The following ATF6 variants were observed in gnomAD, a reference collection of about 807,000 sequenced individuals.
The protein encoded by ATF6 is cyclic AMP-dependent transcription factor ATF-6 alpha.
ATF6 carries 53 observed loss-of-function variants against 83.6 expected under a neutral mutation model. That is an observed-to-expected ratio of 0.63 (90% confidence interval 0.51 to 0.80). The LOEUF (loss-of-function observed/expected upper bound fraction) is 0.80. ATF6 is among the 30% of genes least tolerant of loss of function. The pLI, the probability that ATF6 is intolerant of heterozygous loss-of-function variation, is 0.00. For missense variants in ATF6, 744 were observed against 797.9 expected (o/e 0.93, Z 0.81); for synonymous variants, 288 against 285.8 (o/e 1.01, Z -0.08).
chr1:161,770,945 C>T (rs1466288363), intron 1 of ATF6, among the ~76,000 whole-genome samples: 1 of 152,144 alleles, frequency 6.6e-6, no homozygotes, highest in East Asian at 1.9e-4. Flanking sequence ...TTTTGCATTC[C>T]CGCTAGCAAT....
intron 14 of ATF6, among the ~76,000 whole-genome samples, chr1:161,902,980 C>T (rs944533258): frequency 1.8e-4 from 27 of 152,132 alleles, no homozygotes; most frequent in Admixed American, 1.4e-3. Context: ...CAGCTGAGGC[C>T]GCCCTTCTTT....
chr1:161,823,401 A>G (rs561662358), intron 9 of ATF6, among the ~76,000 whole-genome samples: 10 of 152,300 alleles, frequency 6.6e-5, no homozygotes, highest in African/African-American at 2.4e-4. Context: ...ATTTGCTACT[A>G]AAAATTGAAA....
At chr1:161,933,289 C>G (rs1347271304) in intron 15 of ATF6, among the ~76,000 whole-genome samples, 1 of 152,108 alleles carries the variant, frequency 6.6e-6, no homozygotes, top group Non-Finnish European at 1.5e-5. Flanking sequence ...ATAATTTTAT[C>G]TGAAAATATA....
chr1:161,877,005 AAAC>A (rs1372612660), intron 14 of ATF6, among the ~76,000 whole-genome samples: 3 of 152,116 alleles, frequency 2.0e-5, no homozygotes, highest in African/African-American at 7.2e-5. Flanking sequence ...TTATAAAACA[AAAC>A]AAAGTATACA....
chr1:161,860,307 G>T, intron 13 of ATF6, 30 bp downstream of exon 13: 1 of 1,461,652 alleles, frequency 6.8e-7, no homozygotes, highest in Non-Finnish European at 9.1e-7. Context: ...CTTGGCCAAG[G>T]AATTTAAAAT....
chr1:161,859,558 A>C, intron 12 of ATF6, among the ~76,000 whole-genome samples: 1 of 152,200 alleles, frequency 6.6e-6, no homozygotes, highest in Non-Finnish European at 1.5e-5. Context: ...GAACTTGGTA[A>C]TATGCCCTTG....
At chr1:161,773,213 A>C (rs1438815581) in intron 1 of ATF6, among the ~76,000 whole-genome samples, 1 of 149,532 alleles carries the variant, frequency 6.7e-6, no homozygotes, top group Admixed American at 6.9e-5. Flanking sequence ...GGCTCACTGC[A>C]AGCTCCACCT....
chr1:161,851,476 T>C (rs1686631155), intron 10 of ATF6, among the ~76,000 whole-genome samples: 1 of 152,206 alleles, frequency 6.6e-6, no homozygotes, highest in Non-Finnish European at 1.5e-5. Flanking sequence ...GTATCGCTTA[T>C]TCCAAATTAA....
intron 10 of ATF6, among the ~76,000 whole-genome samples, chr1:161,851,274 A>ACACACACC (rs1264016372): frequency 1.3e-4 from 19 of 144,228 alleles, no homozygotes; most frequent in East Asian, 1.0e-3. Flanking sequence ...ACACACACAC[A>ACACACACC]CCCCTACCTG....
chr1:161,816,683 G>A (rs922805319), intron 7 of ATF6, among the ~76,000 whole-genome samples: 7 of 152,162 alleles, frequency 4.6e-5, no homozygotes, highest in Non-Finnish European at 8.8e-5. Flanking sequence ...TTGAAAATCT[G>A]TGCTGCCATT....
intron 9 of ATF6, among the ~76,000 whole-genome samples, chr1:161,829,189 C>CTTTTTTTTTTTTTTTTTTTTTTTTTTT (rs35619050): frequency 2.8e-5 from 2 of 72,588 alleles, no homozygotes; most frequent in African/African-American, 5.4e-5. Flanking sequence ...TAATGGGAGA[C>CTTTTTTTTTTTTTTTTTTTTTTTTTTT]TTTTTTTTTT....
chr1:161,929,975 C>T (rs2101901367), intron 15 of ATF6, among the ~76,000 whole-genome samples: 1 of 152,210 alleles, frequency 6.6e-6, no homozygotes, highest in South Asian at 2.1e-4. Flanking sequence ...TTGTTCTTAC[C>T]CTGCGCAGCC....
At chr1:161,867,267 C>T (rs1462904227) in intron 14 of ATF6, among the ~76,000 whole-genome samples, 1 of 151,924 alleles carries the variant, frequency 6.6e-6, no homozygotes, top group Non-Finnish European at 1.5e-5. Flanking sequence ...TGCACTCCAG[C>T]CTGGGTGACA....
intron 13 of ATF6, 133 bp downstream of exon 13, chr1:161,860,410 ATATATATATATATG>A (rs1191663730): frequency 1.3e-5 from 3 of 230,478 alleles, no homozygotes; most frequent in Non-Finnish European, 2.6e-5. Context: ...ATACTCTAAG[ATATATATATATATG>A]TATATATATA....
chr1:161,947,810 C>CTTTTTGTTTTTTT (rs1688779234), intron 15 of ATF6, among the ~76,000 whole-genome samples: 1 of 57,548 alleles, frequency 1.7e-5, no homozygotes, highest in African/African-American at 8.5e-5. Flanking sequence ...TAAGCCACGC[C>CTTTTTGTTTTTTT]TTTTTTTTTT....
At chr1:161,837,623 T>TG (rs11464388) in intron 9 of ATF6, among the ~76,000 whole-genome samples, 2 of 61,702 alleles carry the variant, frequency 3.2e-5, no homozygotes, top group Non-Finnish European at 8.0e-5. Flanking sequence ...CTTTCTCCCA[T>TG]TTTTTTTTTT....
chr1:161,811,937 A>G (rs944142231), intron 7 of ATF6, among the ~76,000 whole-genome samples: 12 of 152,186 alleles, frequency 7.9e-5, no homozygotes, highest in Non-Finnish European at 1.5e-4. Flanking sequence ...AAATAGTTCA[A>G]TCACCTGTCA....
At chr1:161,953,230 G>C (rs1188542925) in intron 15 of ATF6, among the ~76,000 whole-genome samples, 1 of 152,104 alleles carries the variant, frequency 6.6e-6, no homozygotes, top group Non-Finnish European at 1.5e-5. Flanking sequence ...TAATAATCAA[G>C]TTTCTTTTTA....
chr1:161,948,499 G>T (rs1252649454), intron 15 of ATF6, among the ~76,000 whole-genome samples: 1 of 152,048 alleles, frequency 6.6e-6, no homozygotes, highest in African/African-American at 2.4e-5. Flanking sequence ...ATCTGCATTA[G>T]TCTCTTAAGC....
Sources: gnomAD v4.1 joint callset for allele counts (sites outside exome capture counted in the v4.1 genomes callset) on GRCh38, gnomAD v4.1.1 for gene constraint, MANE v1.5 for transcripts, NCBI Gene and HGNC (gene_info 2026-07-23, HGNC 2026-07-21) for gene names.